The following PCDHA4 variants were observed in gnomAD, a reference collection of about 807,000 sequenced individuals.
The protein encoded by PCDHA4 is protocadherin alpha 4.
In PCDHA4, 49 loss-of-function variants were observed where a neutral mutation model predicts 61.4. The ratio of observed to expected loss-of-function variants is 0.80; its 90% CI spans 0.63 to 1.01. The LOEUF (loss-of-function observed/expected upper bound fraction) is 1.01. Among genes scored for constraint, PCDHA4 ranks in the 50% least tolerant of loss-of-function variants. The probability of loss-of-function intolerance (pLI) is 0.00; values close to 1 mark genes in which losing one functional copy is unlikely to be tolerated. For synonymous variants in PCDHA4, 590 were observed against 550.3 expected (o/e 1.07, Z -1.01); for missense variants, 1,254 against 1,235.8 (o/e 1.01, Z -0.22).
chr5:140,937,195 G>A lies in PCDHA4; in HGVS notation c.2386-41754G>A, dbSNP rs371063672. On this transcript the variant is annotated intron_variant, in intron 1 of 3. Coordinates refer to ENST00000530339, the MANE Select transcript of PCDHA4 (RefSeq NM_018907.4). ...TGGGACTACAGGCGCCCGCCACCAT[G>A]CCCGGCTAATTTTTTGTATTTTTTG... Among the ~76,000 whole-genome samples the A allele has an allele frequency of 1.5e-3, 231 of 151,994 alleles. 5 individuals are homozygous for A. The South Asian group carries it at 0.033, about 22-fold the overall frequency.
At chr5:140,882,768 C>T (rs1554175511) in intron 1 of PCDHA4, 1 of 1,614,222 alleles carries the variant, frequency 6.2e-7, no homozygotes, top group East Asian at 2.2e-5. Context: ...GTAAACTCGG[C>T]ATTGACCTAC....
chr5:140,954,271 A>G (rs1284942355), intron 1 of PCDHA4, among the ~76,000 whole-genome samples: 2 of 152,140 alleles, frequency 1.3e-5, no homozygotes, highest in South Asian at 2.1e-4. Context: ...TTATAATAGG[A>G]TGATTTATAT....
chr5:140,946,844 G>A (rs189496185), intron 1 of PCDHA4, among the ~76,000 whole-genome samples: 5 of 151,386 alleles, frequency 3.3e-5, no homozygotes, highest in Non-Finnish European at 5.9e-5. Context: ...CAGTAGTAAG[G>A]AGGAGAGATT....
intron 3 of PCDHA4, among the ~76,000 whole-genome samples, chr5:140,985,689 C>A (rs1237077456): frequency 6.6e-6 from 1 of 151,906 alleles, no homozygotes; most frequent in African/African-American, 2.4e-5. Flanking sequence ...TTACGCTAAT[C>A]CTCGTTCATA....
intron 3 of PCDHA4, among the ~76,000 whole-genome samples, chr5:140,992,328 A>G (rs2097505285): frequency 6.6e-6 from 1 of 152,150 alleles, no homozygotes; most frequent in South Asian, 2.1e-4. Flanking sequence ...CTTTTCTAAG[A>G]GCAAAGATGG....
At chr5:140,849,750 T>G in intron 1 of PCDHA4, 1 of 1,598,370 alleles carries the variant, frequency 6.3e-7, no homozygotes, top group Admixed American at 1.7e-5. Context: ...CGAGAGTGTG[T>G]CCGCCTACGA....
chr5:140,854,042 G>A lies in PCDHA4; in HGVS notation c.2385+44470G>A, dbSNP rs1005442587. 1.8e-5 allele frequency: 5 copies of A among 285,684 alleles called. 1 individual carries two copies. The highest frequency in any genetic ancestry group is 2.7e-5 in the Non-Finnish European group (5 of 185,908). The allele number at this position is 285,684 out of a possible 1,614,324, so 17.7% of individuals were successfully genotyped here. A position where few individuals can be genotyped will look rare whatever the true frequency, so the allele number is the denominator to read the frequency against. On this transcript the variant is annotated intron_variant, in intron 1 of 3. Coordinates refer to ENST00000530339, the MANE Select transcript of PCDHA4 (RefSeq NM_018907.4). ...CCGGGCATGGTGGCACACATCTCTA[G>A]TCCCAATTACTCAGGAGGCTGAGGC...
At chr5:140,984,464 C>T (rs890686701) in intron 3 of PCDHA4, among the ~76,000 whole-genome samples, 1 of 152,184 alleles carries the variant, frequency 6.6e-6, no homozygotes, top group Non-Finnish European at 1.5e-5. Context: ...GTCCCAGCCC[C>T]TCTTGTATAA....
intron 1 of PCDHA4, among the ~76,000 whole-genome samples, chr5:140,922,896 A>C (rs551056851): frequency 1.6e-3 from 238 of 152,336 alleles, no homozygotes; most frequent in Non-Finnish European, 2.0e-3. Context: ...TTCAAGAAAA[A>C]ATTTTGAGAT....
chr5:140,900,518 C>G (rs1444768233), intron 1 of PCDHA4, among the ~76,000 whole-genome samples: 1 of 152,228 alleles, frequency 6.6e-6, no homozygotes, highest in Admixed American at 6.5e-5. Flanking sequence ...CTCAGGTGAT[C>G]TGCCCACCTC....
intron 1 of PCDHA4, chr5:140,875,761 G>A (rs373515339): frequency 1.9e-6 from 3 of 1,614,236 alleles, no homozygotes; most frequent in East Asian, 2.2e-5. Flanking sequence ...GAAGCTGTGC[G>A]GGCGGAGCGC....
At chr5:140,917,206 T>G (rs1313611985) in intron 1 of PCDHA4, among the ~76,000 whole-genome samples, 1 of 152,104 alleles carries the variant, frequency 6.6e-6, no homozygotes, top group Admixed American at 6.5e-5. Context: ...CCCTCTTCAA[T>G]GCCTCTTTTA....
At chr5:140,959,676 A>G (rs2095505288) in intron 1 of PCDHA4, among the ~76,000 whole-genome samples, 1 of 152,246 alleles carries the variant, frequency 6.6e-6, no homozygotes, top group Non-Finnish European at 1.5e-5. Flanking sequence ...AATCATTTCT[A>G]AATAATTTCA....
intron 1 of PCDHA4, chr5:140,834,770 C>A (rs2150226024): frequency 6.8e-6 from 11 of 1,613,922 alleles, no homozygotes; most frequent in Middle Eastern, 3.3e-4. Context: ...TTAACGACAA[C>A]CCTCCGGTGT....
intron 3 of PCDHA4, among the ~76,000 whole-genome samples, chr5:140,997,598 TG>T (rs1182118908): frequency 6.6e-5 from 10 of 152,124 alleles, no homozygotes; most frequent in Admixed American, 2.0e-4. Context: ...AACATGATTA[TG>T]GGGCGCATGA....
At chr5:140,881,224 A>G (rs1254771945) in intron 1 of PCDHA4, 1 of 264,386 alleles carries the variant, frequency 3.8e-6, no homozygotes, top group Non-Finnish European at 5.9e-6. Context: ...TTCTTGGAAA[A>G]TTAAAGTCAA....
intron 1 of PCDHA4, among the ~76,000 whole-genome samples, chr5:140,895,253 C>A (rs2153449431): frequency 6.6e-6 from 1 of 152,084 alleles, no homozygotes; most frequent in East Asian, 1.9e-4. Context: ...TCAAAGCTTT[C>A]TTTTTTTTCT....
chr5:140,914,982 T>C (rs1411265179), intron 1 of PCDHA4, among the ~76,000 whole-genome samples: 1 of 149,996 alleles, frequency 6.7e-6, no homozygotes, highest in Non-Finnish European at 1.5e-5. Context: ...AGTCTTGCTC[T>C]GCTACCAGGC....
At chr5:140,813,618 A>G (rs1380677794) in intron 1 of PCDHA4, 1 of 152,222 alleles carries the variant, frequency 6.6e-6, no homozygotes, top group East Asian at 1.9e-4. Flanking sequence ...TGGTGAGTGA[A>G]TGTGAAGGCC....
Sources: gnomAD v4.1 joint callset for allele counts (sites outside exome capture counted in the v4.1 genomes callset) on GRCh38, gnomAD v4.1.1 for gene constraint, MANE v1.5 for transcripts, NCBI Gene and HGNC (gene_info 2026-07-23, HGNC 2026-07-21) for gene names.